Variants in KCNQ5 observed in about 807,000 individuals in gnomAD.
KCNQ5 encodes the protein potassium voltage-gated channel subfamily Q member 5.
In KCNQ5, 30 loss-of-function variants were observed where a neutral mutation model predicts 98.2. The ratio of observed to expected loss-of-function variants is 0.31; its 90% confidence interval spans 0.23 to 0.41. The LOEUF is 0.41. KCNQ5 is among the 10% of genes least tolerant of loss of function. The pLI, the probability that KCNQ5 is intolerant of heterozygous loss-of-function variation, is 1.00. For synonymous variants in KCNQ5, 458 were observed against 449.4 expected (o/e 1.02, Z -0.24); for missense variants, 835 against 1,182.5 (o/e 0.71, Z 4.31).
chr6:72,753,402 A>T (rs572249918), intron 1 of KCNQ5, among the ~76,000 whole-genome samples: 1 of 152,264 alleles, frequency 6.6e-6, no homozygotes, highest in African/African-American at 2.4e-5. Flanking sequence ...TGAAATTTCT[A>T]TAAACAGTCT....
chr6:72,932,061 TC>T (rs1765716717), intron 1 of KCNQ5, among the ~76,000 whole-genome samples: 1 of 152,072 alleles, frequency 6.6e-6, no homozygotes, highest in Non-Finnish European at 1.5e-5. Context: ...TGTGGGGAGT[TC>T]CTCATGAAAA....
chr6:72,828,761 C>A (rs1776111062), intron 1 of KCNQ5, among the ~76,000 whole-genome samples: 1 of 151,992 alleles, frequency 6.6e-6, no homozygotes, highest in Non-Finnish European at 1.5e-5. Flanking sequence ...AATGTGGATG[C>A]CTCTTTATTT....
intron 1 of KCNQ5, among the ~76,000 whole-genome samples, chr6:72,811,767 T>G (rs987802345): frequency 3.3e-5 from 5 of 152,168 alleles, no homozygotes; most frequent in Non-Finnish European, 5.9e-5. Context: ...TAAAGAGGGT[T>G]CTTGAATCTC....
chr6:73,055,175 G>A (rs371990297), intron 3 of KCNQ5: 13 of 859,038 alleles, frequency 1.5e-5, no homozygotes, highest in Middle Eastern at 3.4e-4. Context: ...CGGCTGGTAC[G>A]ACGCCATCCT....
intron 1 of KCNQ5, among the ~76,000 whole-genome samples, chr6:72,929,075 A>G (rs1436236657): frequency 9.9e-5 from 15 of 152,142 alleles, no homozygotes. Context: ...CATATTTTAA[A>G]ATCCTAACCT....
intron 1 of KCNQ5, among the ~76,000 whole-genome samples, chr6:72,630,017 T>A (rs958090030): frequency 6.6e-6 from 1 of 152,220 alleles, no homozygotes; most frequent in Non-Finnish European, 1.5e-5. Context: ...AAGTTTTTCA[T>A]CATATACATT....
chr6:72,639,664 A>G lies in KCNQ5; in HGVS notation c.398+17077A>G, dbSNP rs1332593866. Among the ~76,000 whole-genome samples the G allele has an allele frequency of 3.9e-5, 6 of 152,316 alleles. No individual in the cohort carries two copies. In the Middle Eastern group the frequency reaches 0.014, roughly 345 times the overall value. Reference sequence around the variant, plus strand: ...CTTGCAGTCTCTAAGAGAGATGCTGATAAGTGCAAAGCAGTTCTAAAGAGC... The same window carrying G: ...CTTGCAGTCTCTAAGAGAGATGCTGGTAAGTGCAAAGCAGTTCTAAAGAGC... On this transcript the variant is annotated intron_variant, in intron 1 of 13. Coordinates refer to ENST00000370398, the MANE Select transcript of KCNQ5 (RefSeq NM_019842.4).
chr6:72,699,348 T>A (rs1271225875), intron 1 of KCNQ5, among the ~76,000 whole-genome samples: 1 of 152,178 alleles, frequency 6.6e-6, no homozygotes, highest in Non-Finnish European at 1.5e-5. Flanking sequence ...AAAGATGAGA[T>A]CAGTGGTTAA....
At chr6:73,131,112 A>G (rs1041369207) in intron 9 of KCNQ5, among the ~76,000 whole-genome samples, 15 of 152,184 alleles carry the variant, frequency 9.9e-5, no homozygotes, top group African/African-American at 3.6e-4. Context: ...TCATAAGGTA[A>G]TGTCAAAATG....
chr6:73,152,936 C>A (rs1001047187), intron 10 of KCNQ5, among the ~76,000 whole-genome samples: 2 of 152,108 alleles, frequency 1.3e-5, no homozygotes, highest in Admixed American at 6.5e-5. Context: ...TCACTTAATA[C>A]CCCAGCTTTT....
intron 11 of KCNQ5, among the ~76,000 whole-genome samples, chr6:73,188,291 G>C (rs762521893): frequency 2.6e-5 from 4 of 152,174 alleles, no homozygotes; most frequent in Non-Finnish European, 5.9e-5. Flanking sequence ...ATATAAATAG[G>C]AGAAAGGAAT....
chr6:72,984,707 A>G (rs1298391447), intron 1 of KCNQ5, among the ~76,000 whole-genome samples: 20 of 152,076 alleles, frequency 1.3e-4, no homozygotes, highest in Non-Finnish European at 1.5e-5. Flanking sequence ...CTCACCCTCC[A>G]TGGGCTGCAC....
intron 1 of KCNQ5, among the ~76,000 whole-genome samples, chr6:72,623,455 T>G (rs1470210799): frequency 1.3e-5 from 2 of 150,704 alleles, no homozygotes; most frequent in Non-Finnish European, 3.0e-5. Context: ...TAGCAGAGAA[T>G]GCTTAATGAG....
chr6:73,124,992 CAT>C (rs1562193550), intron 9 of KCNQ5, among the ~76,000 whole-genome samples: 3 of 89,780 alleles, frequency 3.3e-5, no homozygotes, highest in South Asian at 4.5e-4. Flanking sequence ...CACACACACA[CAT>C]ATATATATCA....
chr6:72,622,083 G>C lies in KCNQ5; in HGVS notation c.-107G>C. 1.0e-6 allele frequency: 1 copy of C among 987,558 alleles called. No individual in the cohort carries two copies. Among genetic ancestry groups the C allele is most frequent in the Non-Finnish European group, 1.3e-6 (1 of 772,940 alleles). 61.2% of individuals were successfully genotyped at this position (987,558 alleles called of 1,614,324 possible). A position where few individuals can be genotyped will look rare whatever the true frequency, so the allele number is the denominator to read the frequency against. On this transcript the variant is annotated 5_prime_UTR_variant, in exon 1 of 14. Coordinates refer to ENST00000370398, the MANE Select transcript of KCNQ5 (RefSeq NM_019842.4). This position sits in a 1 kb window ranked among gnomAD's most constrained non-coding sequence, Gnocchi z 6.0. ...CGGCTCAGAGGTCTCTGGCTGGCGG[G>C]CGCCCCGTCGGCCGCCGGCTTCCTC...
rs571035609 is a variant in KCNQ5 at position 73,124,476 on chromosome 6, G to A, written c.1221-10G>A. ...ATCATCATTTCTCTTCTGCCTGCAC[G>A]CACCTGAAGGAAAGAACAAGGGGAA... is the stretch of plus-strand genomic sequence containing the variant. On this transcript the variant is annotated splice_polypyrimidine_tract_variant and intron_variant, in intron 8 of 13. Coordinates refer to ENST00000370398, the MANE Select transcript of KCNQ5 (RefSeq NM_019842.4). The A allele has an allele frequency of 1.1e-5, 18 of 1,612,790 alleles. No homozygotes were observed. The East Asian group carries it at 1.6e-4, about 14-fold the overall frequency.
chr6:73,141,696 C>T (rs1776718409), intron 10 of KCNQ5, among the ~76,000 whole-genome samples: 2 of 152,178 alleles, frequency 1.3e-5, no homozygotes, highest in South Asian at 2.1e-4. Context: ...CTTAACCATA[C>T]CTTTTGGCTT....
At chr6:72,706,735 A>G (rs1208634320) in intron 1 of KCNQ5, among the ~76,000 whole-genome samples, 2 of 152,182 alleles carry the variant, frequency 1.3e-5, no homozygotes, top group South Asian at 2.1e-4. Context: ...AAACAAAAGC[A>G]TAATTTAACC....
intron 1 of KCNQ5, among the ~76,000 whole-genome samples, chr6:72,901,115 G>C (rs1286954889): frequency 6.8e-6 from 1 of 147,620 alleles, no homozygotes; most frequent in East Asian, 2.0e-4. Flanking sequence ...TCCTAACGCT[G>C]TCCCTCCCCC....
Sources: gnomAD v4.1 joint callset for allele counts (sites outside exome capture counted in the v4.1 genomes callset) on GRCh38, gnomAD v4.1.1 for gene constraint, Gnocchi (gnomAD v3.1) non-coding constraint, MANE v1.5 for transcripts, NCBI Gene and HGNC (gene_info 2026-07-23, HGNC 2026-07-21) for gene names.